PHLDB2: variants seen among roughly 807,000 people sequenced by gnomAD.
PHLDB2 encodes the protein pleckstrin homology like domain family B member 2.
PHLDB2 carries 71 observed loss-of-function variants against 123.6 expected under a neutral mutation model. That is an observed-to-expected ratio of 0.57 (90% CI 0.47 to 0.70). PHLDB2 has a LOEUF of 0.70. Ranked by LOEUF, PHLDB2 falls within the 30% of genes least tolerant of loss-of-function variation. The probability of loss-of-function intolerance (pLI) is 0.00; values close to 1 mark genes in which losing one functional copy is unlikely to be tolerated. For synonymous variants in PHLDB2, 547 were observed against 541.6 expected (o/e 1.01, Z -0.14); for missense variants, 1,446 against 1,519.5 (o/e 0.95, Z 0.80).
chr3:111,928,531 C>G (rs1559908038), intron 5 of PHLDB2, among the ~76,000 whole-genome samples: 1 of 152,214 alleles, frequency 6.6e-6, no homozygotes, highest in Non-Finnish European at 1.5e-5. Flanking sequence ...AATGGGTTAA[C>G]TGGACTGTGC....
chr3:111,927,438 A>G (rs1045593975), intron 5 of PHLDB2, among the ~76,000 whole-genome samples: 2 of 152,204 alleles, frequency 1.3e-5, no homozygotes, highest in African/African-American at 4.8e-5. Context: ...CACTGCGTCA[A>G]TTCCAAACCT....
intron 1 of PHLDB2, among the ~76,000 whole-genome samples, chr3:111,733,143 T>C (rs1941559414): frequency 6.6e-6 from 1 of 152,186 alleles, no homozygotes; most frequent in Non-Finnish European, 1.5e-5. Context: ...AGAAATATAC[T>C]GTCCATTCAC....
At chr3:111,839,545 T>C (rs549626372) in intron 1 of PHLDB2, among the ~76,000 whole-genome samples, 1 of 152,372 alleles carries the variant, frequency 6.6e-6, no homozygotes, top group East Asian at 1.9e-4. Context: ...AAAGATAAAG[T>C]TGATTTTATG....
chr3:111,798,831 A>C (rs964908742), intron 1 of PHLDB2, among the ~76,000 whole-genome samples: 1 of 152,200 alleles, frequency 6.6e-6, no homozygotes, highest in African/African-American at 2.4e-5. Context: ...TTTAGACCTC[A>C]TATGAGGGCC....
In PHLDB2 at chr3:111,864,723, T is replaced by A. The variant is rs184497712; in HGVS notation, c.-15+5147T>A. Among the ~76,000 whole-genome samples, 4 of 152,342 alleles carry A rather than the reference T, an allele frequency of 2.6e-5. No homozygotes were observed. The East Asian group carries it at 7.7e-4, about 29-fold the overall frequency. On this transcript the variant is annotated intron_variant, in intron 1 of 17. Transcript: ENST00000431670. ...AGTCAAAAAGTTTTTGAGAGGATTTTTACAGGAGATACTTGTTTAGTGTGT... is the reference window on the plus strand; with the variant it reads ...AGTCAAAAAGTTTTTGAGAGGATTTATACAGGAGATACTTGTTTAGTGTGT...
At chr3:111,907,727 G>C (rs559374854) in intron 2 of PHLDB2, among the ~76,000 whole-genome samples, 8 of 152,014 alleles carry the variant, frequency 5.3e-5, no homozygotes, top group Non-Finnish European at 1.2e-4. Context: ...CCTGACCTCT[G>C]GTGATCCACA....
intron 4 of PHLDB2, among the ~76,000 whole-genome samples, chr3:111,919,807 G>C (rs539111242): frequency 6.6e-6 from 1 of 152,332 alleles, no homozygotes; most frequent in Admixed American, 6.5e-5. Context: ...GATACCAATA[G>C]GCCCTTAAGT....
At chr3:111,757,983 C>T (rs971886682) in intron 1 of PHLDB2, among the ~76,000 whole-genome samples, 6 of 152,106 alleles carry the variant, frequency 3.9e-5, no homozygotes, top group Non-Finnish European at 5.9e-5. Context: ...GAGGAGTACC[C>T]GGCCGTGTGA....
chr3:111,879,091 C>T (rs2065808118), intron 1 of PHLDB2, among the ~76,000 whole-genome samples: 1 of 152,170 alleles, frequency 6.6e-6, no homozygotes, highest in Admixed American at 6.5e-5. Flanking sequence ...AGCATTTCCT[C>T]TTTTTCTATT....
At position 111,925,243 on chromosome 3, in the gene PHLDB2, C is replaced by T. The variant is rs530189314; in HGVS notation, c.2001+4824C>T. ...AGGAATGCATTTTATTTTGCACATTCGTTACCCTATAAAATATAAACCATA... is the reference window on the plus strand; with the variant it reads ...AGGAATGCATTTTATTTTGCACATTTGTTACCCTATAAAATATAAACCATA... On this transcript the variant is annotated intron_variant, in intron 5 of 17. Transcript: ENST00000431670. Among the ~76,000 whole-genome samples the T allele has an allele frequency of 2.6e-5, 4 of 152,268 alleles. No homozygotes were observed. In the East Asian group the frequency reaches 7.7e-4, roughly 29 times the overall value.
chr3:111,916,737 C>T (rs2107517493), intron 3 of PHLDB2: 1 of 152,192 alleles, frequency 6.6e-6, no homozygotes, highest in South Asian at 2.1e-4. Context: ...GTCCCTTGCA[C>T]CCCTCTCTCC....
intron 10 of PHLDB2, chr3:111,949,757 C>G: frequency 2.0e-6 from 2 of 985,806 alleles, no homozygotes; most frequent in Non-Finnish European, 2.4e-6. Flanking sequence ...TCTCCTCATC[C>G]TATCACTCAA....
At chr3:111,911,802 C>T in intron 2 of PHLDB2, 1 of 1,179,068 alleles carries the variant, frequency 8.5e-7, no homozygotes, top group Non-Finnish European at 1.2e-6. Context: ...TGGGGGATTA[C>T]TTTAGAGGGC....
chr3:111,830,354 A>G (rs993003218), intron 1 of PHLDB2, among the ~76,000 whole-genome samples: 1 of 152,196 alleles, frequency 6.6e-6, no homozygotes, highest in Non-Finnish European at 1.5e-5. Context: ...AAATTAAAGC[A>G]ATCTAAAATT....
At chr3:111,831,637 G>T (rs2063043748) in intron 1 of PHLDB2, among the ~76,000 whole-genome samples, 1 of 152,056 alleles carries the variant, frequency 6.6e-6, no homozygotes, top group African/African-American at 2.4e-5. Flanking sequence ...GACCAAGTTT[G>T]AATACCTGCT....
intron 1 of PHLDB2, among the ~76,000 whole-genome samples, chr3:111,759,070 T>G (rs1450763152): frequency 1.3e-5 from 2 of 152,120 alleles, no homozygotes; most frequent in Non-Finnish European, 2.9e-5. Flanking sequence ...TCAGAGCTGA[T>G]TAGAGTAAAA....
intron 16 of PHLDB2, among the ~76,000 whole-genome samples, chr3:111,973,032 C>T (rs138767812): frequency 3.6e-4 from 55 of 152,292 alleles, no homozygotes; most frequent in African/African-American, 1.3e-3. Flanking sequence ...TATGCTGACA[C>T]GCACTGTGAT....
At chr3:111,899,504 C>T (rs1282938) in intron 2 of PHLDB2, among the ~76,000 whole-genome samples, 109,201 of 152,074 alleles carry the variant, frequency 0.72, 39,518 homozygotes, top group Middle Eastern at 0.77. Context: ...GCTTAAAATA[C>T]TCAGTAAACC....
intron 16 of PHLDB2, among the ~76,000 whole-genome samples, chr3:111,971,583 C>T (rs2072185144): frequency 6.6e-6 from 1 of 152,262 alleles, no homozygotes; most frequent in South Asian, 2.1e-4. Flanking sequence ...GTTGGACAAA[C>T]GCTGCTCGTT....
Sources: gnomAD v4.1 joint callset for allele counts (sites outside exome capture counted in the v4.1 genomes callset) on GRCh38, gnomAD v4.1.1 for gene constraint, MANE v1.5 for transcripts, NCBI Gene and HGNC (gene_info 2026-07-23, HGNC 2026-07-21) for gene names.